The following SACS variants were observed in gnomAD, a reference collection of about 807,000 sequenced individuals.
SACS encodes sacsin.
In SACS, 197 loss-of-function variants were observed where a neutral mutation model predicts 348.0. The ratio of observed to expected loss-of-function variants is 0.57; its 90% confidence interval spans 0.50 to 0.64. SACS has a LOEUF of 0.64. SACS is among the 30% of genes least tolerant of loss of function. SACS has a pLI of 0.00. For missense variants in SACS, 4,999 were observed against 5,360.8 expected, an observed-to-expected ratio of 0.93 and a Z score of 2.11; for synonymous variants, 1,985 against 1,910.6, an observed-to-expected ratio of 1.04 and a Z score of -1.02.
At chr13:23,409,619 C>G (rs976294829) in intron 2 of SACS, among the ~76,000 whole-genome samples, 1 of 151,902 alleles carries the variant, frequency 6.6e-6, no homozygotes, top group Non-Finnish European at 1.5e-5. Flanking sequence ...TGTGAGCCAC[C>G]GCACCTGGCT....
chr13:23,432,110 G>C (rs1344098818), intron 1 of SACS, among the ~76,000 whole-genome samples: 2 of 152,208 alleles, frequency 1.3e-5, no homozygotes, highest in Non-Finnish European at 2.9e-5. Flanking sequence ...GGGCTGCAGA[G>C]TAAGGATGTG....
At chr13:23,388,073 C>T (rs1872367941) in intron 2 of SACS, among the ~76,000 whole-genome samples, 1 of 152,126 alleles carries the variant, frequency 6.6e-6, no homozygotes, top group African/African-American at 2.4e-5. Flanking sequence ...ATCTGCCATT[C>T]AATCCAGCAA....
At chr13:23,433,014 G>A (rs1007134108) in intron 1 of SACS, among the ~76,000 whole-genome samples, 8 of 152,096 alleles carry the variant, frequency 5.3e-5, no homozygotes, top group Admixed American at 4.6e-4. Context: ...TCTAATGATC[G>A]CTTATTAGAA....
chr13:23,388,666 A>AT (rs1326898449), intron 2 of SACS, among the ~76,000 whole-genome samples: 2 of 135,002 alleles, frequency 1.5e-5, no homozygotes, highest in East Asian at 4.6e-4. Context: ...ACTTATAAGT[A>AT]GGAGCTAAGC....
intron 2 of SACS, among the ~76,000 whole-genome samples, chr13:23,400,633 G>A (rs943393292): frequency 4.6e-5 from 7 of 152,150 alleles, no homozygotes; most frequent in Non-Finnish European, 8.8e-5. Context: ...TGTTAGCCAG[G>A]ATGGTCTCGA....
rs1869138853 is a variant in SACS, at chr13:23,340,846, T to C, written c.3030A>G (p.Thr1010=). Residue 1010 remains threonine (T), a synonymous_variant, in exon 10 of 10, where the codon ACA becomes ACG. Transcript: ENST00000382292. ...TCTCAAGGACCCATAACATAAGCTG[T>C]GTTACCTCTTCATGTGAATAAAATG... The part of the protein sequence containing the change: ...ENAFYSHEEV[T]QLMLWVLENL... 1 of 1,606,708 alleles carries C rather than the reference T, an allele frequency of 6.2e-7. No homozygotes were observed. The highest frequency in any genetic ancestry group is 8.5e-7 in the Non-Finnish European group (1 of 1,175,170).
intron 3 of SACS, among the ~76,000 whole-genome samples, chr13:23,372,728 G>C (rs923107714): frequency 5.9e-5 from 9 of 152,110 alleles, no homozygotes; most frequent in Non-Finnish European, 1.2e-4. Flanking sequence ...CTCTGTATGT[G>C]CTTATCTCTG....
In SACS at chr13:23,408,973, A is replaced by G. The variant is rs115745609; in HGVS notation, c.20+2247T>C. ...CAAGACTCCGTCTCAAAAAAAATAA[A>G]AAAGAATTGTTTTTCCCCAGAATAA... On this transcript the variant is annotated intron_variant, in intron 2 of 9. Transcript: ENST00000382292. Among the ~76,000 whole-genome samples the G allele has an allele frequency of 7.5e-3, 1,124 of 149,712 alleles. 20 individuals are homozygous for G. Among genetic ancestry groups the G allele is most frequent in the African/African-American group, 0.025 (1,024 of 40,626 alleles).
rs1201415332 is a variant in SACS, at chr13:23,334,335, T to A, written c.9541A>T (p.Ile3181Phe). The part of the protein sequence containing the change: ...PKFLTTYHEL[I>F]PSRKDLFMNT... ...ATAAACAAGTCTTTGCGGGATGGAA[T>A]CAATTCATGATATGTTGTTAGAAAC... Residue 3181 changes from isoleucine (I) to phenylalanine (F), a missense_variant, in exon 10 of 10, where the codon ATT becomes TTT. Coordinates refer to ENST00000382292, the MANE Select transcript of SACS (RefSeq NM_014363.6). 1 of 1,611,614 alleles carries A rather than the reference T, an allele frequency of 6.2e-7. No homozygotes were observed.
chr13:23,398,706 T>C (rs372420098), intron 2 of SACS, among the ~76,000 whole-genome samples: 4 of 151,908 alleles, frequency 2.6e-5, no homozygotes, highest in Non-Finnish European at 5.9e-5. Context: ...CGGAAAGGAA[T>C]GTTTAGGTTA....
Position 23,358,330 on chromosome 13 carries a change from T to G in SACS, c.604+5A>C. On this transcript the variant is annotated splice_donor_5th_base_variant and intron_variant, in intron 7 of 9. Transcript: ENST00000382292. Reference sequence around the variant, plus strand: ...ATACCAAGACCGAAAAGCCTAATACTCTACCTGTTATATGATAGACAGAAT... The same window carrying G: ...ATACCAAGACCGAAAAGCCTAATACGCTACCTGTTATATGATAGACAGAAT... 6.2e-7 allele frequency: 1 copy of G among 1,613,662 alleles called. No homozygotes were observed. Among genetic ancestry groups the G allele is most frequent in the East Asian group, 2.2e-5 (1 of 44,880 alleles).
intron 2 of SACS, among the ~76,000 whole-genome samples, chr13:23,386,965 C>A (rs143791369): frequency 6.6e-6 from 1 of 151,870 alleles, no homozygotes; most frequent in African/African-American, 2.4e-5. Context: ...TTCGTGGCAC[C>A]CCAAAACAAT....
chr13:23,342,524 T>C (rs1336348575), intron 9 of SACS, among the ~76,000 whole-genome samples: 2 of 152,222 alleles, frequency 1.3e-5, no homozygotes, highest in African/African-American at 4.8e-5. Context: ...ACATTGTACT[T>C]ACCAGTTGAG....
At chr13:23,375,574 A>G (rs1566092326) in intron 2 of SACS, 4 of 1,020,274 alleles carry the variant, frequency 3.9e-6, no homozygotes, top group African/African-American at 1.7e-5. Context: ...CTCCCGGCCC[A>G]CTCCCGGCCC....
At chr13:23,385,034 G>A (rs1872229399) in intron 2 of SACS, among the ~76,000 whole-genome samples, 1 of 152,068 alleles carries the variant, frequency 6.6e-6, no homozygotes, top group African/African-American at 2.4e-5. Context: ...GGCCGAGGTA[G>A]GCAGATCACG....
chr13:23,380,990 G>T (rs898037153), intron 2 of SACS, among the ~76,000 whole-genome samples: 4 of 152,168 alleles, frequency 2.6e-5, no homozygotes, highest in Non-Finnish European at 4.4e-5. Flanking sequence ...CACCAAATAG[G>T]TGTAGAACCC....
At chr13:23,366,918 A>G (rs557186639) in intron 5 of SACS, among the ~76,000 whole-genome samples, 8 of 150,900 alleles carry the variant, frequency 5.3e-5, no homozygotes, top group African/African-American at 1.5e-4. Flanking sequence ...TAAGACTCCT[A>G]TTAAATCTAA....
chr13:23,399,018 T>TAAAAAAAAAAAAA (rs1412543149), intron 2 of SACS, among the ~76,000 whole-genome samples: 4 of 18,952 alleles, frequency 2.1e-4, no homozygotes, highest in East Asian at 5.8e-3. Flanking sequence ...AGACTCCATC[T>TAAAAAAAAAAAAA]CAAAAAAAAA....
At chr13:23,422,029 C>T (rs1004625119) in intron 1 of SACS, among the ~76,000 whole-genome samples, 29 of 152,046 alleles carry the variant, frequency 1.9e-4, no homozygotes, top group African/African-American at 6.8e-4. Context: ...TGGGCGTCCA[C>T]CTATGGTGTA....
Sources: allele counts gnomAD v4.1 joint callset (sites outside exome capture counted in the v4.1 genomes callset), GRCh38; gene constraint gnomAD v4.1.1; transcripts MANE v1.5; gene names NCBI Gene and HGNC (gene_info 2026-07-23, HGNC 2026-07-21).